ASMTL: variants seen among roughly 807,000 people sequenced by gnomAD.
ASMTL encodes probable bifunctional dTTP/UTP pyrophosphatase/methyltransferase protein.
In ASMTL, 57 loss-of-function variants were observed where a neutral mutation model predicts 60.3. The ratio of observed to expected loss-of-function variants is 0.95; its 90% CI spans 0.76 to 1.18. ASMTL has a LOEUF of 1.18. ASMTL is among the 50% of genes most tolerant of loss of function. The pLI, the probability that ASMTL is intolerant of heterozygous loss-of-function variation, is 0.00. For synonymous variants in ASMTL, 419 were observed against 373.0 expected (o/e 1.12, Z -1.42); for missense variants, 981 against 852.6 (o/e 1.15, Z -1.88).
intron 1 of ASMTL, 147 bp from the exon 2 acceptor site, chrX:1,442,464 C>T (rs1357245389): frequency 7.6e-6 from 7 of 925,640 alleles, no homozygotes; most frequent in African/African-American, 1.7e-5. Context: ...CAAGCTTTCC[C>T]TAAGTGTGGC....
chrX:1,412,103 C>T (rs1258343915), intron 12 of ASMTL, among the ~76,000 whole-genome samples: 23 of 152,024 alleles, frequency 1.5e-4, no homozygotes, highest in Non-Finnish European at 2.9e-4. Flanking sequence ...AGGCGTGAGC[C>T]ACCACACCTG....
chrX:1,419,268 TG>T (rs2090407903), intron 9 of ASMTL, 154 bp from the exon 10 acceptor site: 1 of 346,946 alleles, frequency 2.9e-6, no homozygotes, highest in Non-Finnish European at 4.1e-6. Flanking sequence ...CACAGCTGTG[TG>T]GGCTACTCTT....
chrX:1,433,611 C>G (rs1258717787), intron 5 of ASMTL, among the ~76,000 whole-genome samples: 1 of 150,706 alleles, frequency 6.6e-6, no homozygotes, highest in Non-Finnish European at 1.5e-5. Flanking sequence ...ACCCGGGAGG[C>G]GGAGCTTGCA....
chrX:1,443,930 C>T (rs1254625040), intron 1 of ASMTL, among the ~76,000 whole-genome samples: 1 of 152,240 alleles, frequency 6.6e-6, no homozygotes, highest in Non-Finnish European at 1.5e-5. Context: ...TGGACAGACA[C>T]CCCCGTCTTG....
chrX:1,416,743 AG>A (rs1413044678), intron 11 of ASMTL, among the ~76,000 whole-genome samples: 2 of 145,140 alleles, frequency 1.4e-5, no homozygotes, highest in African/African-American at 5.1e-5. Context: ...ACACACAGTC[AG>A]TCATGCACAC....
In ASMTL at chrX:1,419,038, C is replaced by G. The variant is rs777105565; in HGVS notation, c.1322G>C (p.Cys441Ser). The G allele has an allele frequency of 1.2e-6, 2 of 1,611,618 alleles. No homozygotes were observed. Among genetic ancestry groups the G allele is most frequent in the African/African-American group, 1.3e-5 (1 of 74,996 alleles). Reference protein sequence around the residue: ...AMHGMTKLTACQVATAFNLSR... With the variant: ...AMHGMTKLTASQVATAFNLSR... Reference sequence around the variant, plus strand: ...CAGATTGAAGGCCGTGGCCACCTGGCACGCAGTCAGCTTCGTCATGCCGTG... The same window carrying G: ...CAGATTGAAGGCCGTGGCCACCTGGGACGCAGTCAGCTTCGTCATGCCGTG... Residue 441 changes from cysteine (C) to serine (S), a missense_variant, in exon 10 of 13, where the codon TGC becomes TCC. Coordinates refer to ENST00000381317, the MANE Select transcript of ASMTL (RefSeq NM_004192.4).
chrX:1,420,286 T>C (rs747376600), intron 9 of ASMTL, among the ~76,000 whole-genome samples: 1 of 150,482 alleles, frequency 6.6e-6, no homozygotes, highest in East Asian at 2.0e-4. Context: ...TGTCTTTCTG[T>C]CTCCCTGTTT....
At position 1,418,999 on chromosome X, in the gene ASMTL, G is replaced by A; in HGVS notation, c.1361C>T (p.Ser454Phe). 1.2e-6 allele frequency: 2 copies of A among 1,611,802 alleles called. No homozygotes were observed. The highest frequency in any genetic ancestry group is 1.7e-6 in the Non-Finnish European group (2 of 1,179,758). ...CCACCCACCTCCCACGTCGCAGGCG[G>A]AGGAGAAGCGGGACAGATTGAAGGC... ...ATAFNLSRFS[S>F]ACDVGGCTGA... Residue 454 changes from serine to phenylalanine, a missense_variant, in exon 10 of 13, where the codon TCC (serine) becomes TTC (phenylalanine). By Grantham distance (155) the Ser-to-Phe change is radical. Coordinates refer to ENST00000381317, the MANE Select transcript of ASMTL (RefSeq NM_004192.4).
chrX:1,434,495 A>AG (rs1289890904), intron 5 of ASMTL, among the ~76,000 whole-genome samples: 47 of 149,488 alleles, frequency 3.1e-4, no homozygotes, highest in African/African-American at 9.6e-4. Context: ...GTCTCAAAAA[A>AG]AAAAAAAAGA....
Position 1,410,571 on chromosome X carries a change from G to A in ASMTL, c.1645+2161C>T, listed in dbSNP as rs1402791852. ...TAGAATTAGAGGCGTGCACCACTACGCCGGACTAATTTTTGTATTTTTAGT... is the reference window on the plus strand; with the variant it reads ...TAGAATTAGAGGCGTGCACCACTACACCGGACTAATTTTTGTATTTTTAGT... On this transcript the variant is annotated intron_variant, in intron 12 of 12. Transcript: ENST00000381317. Among the ~76,000 whole-genome samples the A allele has an allele frequency of 1.1e-4, 17 of 152,124 alleles. No individual in the cohort carries two copies. The South Asian group carries it at 1.2e-3, about 11-fold the overall frequency.
chrX:1,435,187 G>A, intron 4 of ASMTL, 104 bp from the exon 5 acceptor site: 2 of 1,193,678 alleles, frequency 1.7e-6, no homozygotes, highest in Admixed American at 3.6e-5. Flanking sequence ...CCTTAATCCT[G>A]GATCCGTCCC....
chrX:1,419,036 G>A lies in ASMTL; in HGVS notation c.1324C>T (p.Gln442Ter). ...MHGMTKLTAC[Q>*]VATAFNLSRF... is the part of the protein sequence containing the mutation. Reference sequence around the variant, plus strand: ...GACAGATTGAAGGCCGTGGCCACCTGGCACGCAGTCAGCTTCGTCATGCCG... The same window carrying A: ...GACAGATTGAAGGCCGTGGCCACCTAGCACGCAGTCAGCTTCGTCATGCCG... The change falls in exon 10 of 13, where the codon CAG (glutamine) becomes TAG (stop). Residue 442 changes from glutamine (Q) to a stop codon, truncating the protein, a stop_gained. Transcript: ENST00000381317. LOFTEE classifies it high-confidence loss of function. 1.2e-6 allele frequency: 2 copies of A among 1,611,694 alleles called. No individual in the cohort carries two copies. The highest frequency in any genetic ancestry group is 1.7e-6 in the Non-Finnish European group (2 of 1,179,740).
At position 1,432,471 on chromosome X, in the gene ASMTL, C is replaced by G. The variant is rs1316257935; in HGVS notation, c.401-94G>C. ...TGGCTGTGCTGTGGAGGTGTGTACTCGAGCGCAGCGCACAGTTCAGATATG... is the reference window on the plus strand; with the variant it reads ...TGGCTGTGCTGTGGAGGTGTGTACTGGAGCGCAGCGCACAGTTCAGATATG... On this transcript the variant is annotated intron_variant, in intron 5 of 12. Transcript: ENST00000381317. The G allele has an allele frequency of 4.6e-6, 4 of 865,208 alleles. No homozygotes were observed. In the Admixed American group the frequency reaches 5.9e-5, roughly 13 times the overall value. 53.6% of individuals were successfully genotyped at this position (865,208 alleles called of 1,614,324 possible).
chrX:1,407,011 G>T (rs1432734909), intron 12 of ASMTL, among the ~76,000 whole-genome samples: 5 of 151,358 alleles, frequency 3.3e-5, no homozygotes, highest in Non-Finnish European at 5.9e-5. Flanking sequence ...GGATTGGATG[G>T]ATGGGTGAAT....
chrX:1,438,987 G>A (rs1424653174), intron 3 of ASMTL, 110 bp downstream of exon 3: 8 of 1,197,504 alleles, frequency 6.7e-6, no homozygotes, highest in East Asian at 4.8e-5. Flanking sequence ...TTCTGGAAGC[G>A]AGTCCACTGC....
intron 6 of ASMTL, among the ~76,000 whole-genome samples, chrX:1,428,669 A>ATAAATAAATAAATAAATAAATAAC (rs1569533431): frequency 2.0e-5 from 3 of 150,394 alleles, no homozygotes; most frequent in Non-Finnish European, 3.0e-5. Context: ...AAATAAATAA[A>ATAAATAAATAAATAAATAAATAAC]ATTTCATGTG....
At chrX:1,403,619 G>C (rs1399642137) in intron 12 of ASMTL, 130 bp from the exon 13 acceptor site, 4 of 777,126 alleles carry the variant, frequency 5.1e-6, no homozygotes, top group Non-Finnish European at 6.4e-6. Context: ...CTTGGCCAGG[G>C]GGCCCACACA....
At chrX:1,448,625 T>C (rs2091283570) in intron 1 of ASMTL, among the ~76,000 whole-genome samples, 1 of 150,658 alleles carries the variant, frequency 6.6e-6, no homozygotes, top group Admixed American at 6.6e-5. Flanking sequence ...CACCACCATC[T>C]TGGACACACA....
At chrX:1,438,055 A>G (rs1382683356) in intron 3 of ASMTL, among the ~76,000 whole-genome samples, 19 of 151,208 alleles carry the variant, frequency 1.3e-4, no homozygotes, top group East Asian at 2.0e-4. Flanking sequence ...GTGGGAGGCT[A>G]AGGTGGGCAG....
Sources: gnomAD v4.1 joint callset for allele counts (sites outside exome capture counted in the v4.1 genomes callset) on GRCh38, gnomAD v4.1.1 for gene constraint, MANE v1.5 for transcripts, NCBI Gene and HGNC (gene_info 2026-07-23, HGNC 2026-07-21) for gene names.